The following FARS2 variants were observed in gnomAD, a reference collection of about 807,000 sequenced individuals.
The protein encoded by FARS2 is phenylalanine--tRNA ligase, mitochondrial.
Under a neutral mutation model 46.4 loss-of-function variants are expected in FARS2, and 40 were observed. The observed-to-expected ratio is 0.86, with a 90% CI of 0.67 to 1.12. The LOEUF (loss-of-function observed/expected upper bound fraction) is 1.12. Among genes scored for constraint, FARS2 ranks in the 50% most tolerant of loss-of-function variants. The pLI is 0.00. For missense variants in FARS2, 513 were observed against 567.9 expected, an observed-to-expected ratio of 0.90 and a Z score of 0.98; for synonymous variants, 234 against 214.9, an observed-to-expected ratio of 1.09 and a Z score of -0.78.
intron 6 of FARS2, among the ~76,000 whole-genome samples, chr6:5,618,791 C>CA (rs1006539153): frequency 1.1e-4 from 17 of 152,112 alleles, no homozygotes; most frequent in African/African-American, 4.1e-4. Context: ...CTTAATGTAA[C>CA]AAAAAATAGA....
chr6:5,748,764 C>G (rs1054152961), intron 6 of FARS2, among the ~76,000 whole-genome samples: 1 of 152,216 alleles, frequency 6.6e-6, no homozygotes, highest in Non-Finnish European at 1.5e-5. Context: ...ACTCATTCAA[C>G]CAATACAAAT....
intron 1 of FARS2, among the ~76,000 whole-genome samples, chr6:5,323,449 T>TA (rs1770126932): frequency 6.6e-6 from 1 of 152,192 alleles, no homozygotes; most frequent in Admixed American, 6.5e-5. Context: ...GTTTTTGTAT[T>TA]ATGACTCGAG....
At chr6:5,468,595 T>G (rs1464181814) in intron 4 of FARS2, among the ~76,000 whole-genome samples, 1 of 152,242 alleles carries the variant, frequency 6.6e-6, no homozygotes, top group African/African-American at 2.4e-5. Context: ...GGCCATTTCA[T>G]TCATAAAAGG....
intron 2 of FARS2, among the ~76,000 whole-genome samples, chr6:5,369,499 T>TCA (rs1758904564): frequency 3.9e-5 from 6 of 152,212 alleles, no homozygotes; most frequent in Non-Finnish European, 5.9e-5. Flanking sequence ...CAAATTCACC[T>TCA]TTAATCCAGG....
At chr6:5,281,983 A>G (rs1044549403) in intron 1 of FARS2, among the ~76,000 whole-genome samples, 17 of 152,232 alleles carry the variant, frequency 1.1e-4, no homozygotes, top group Non-Finnish European at 1.8e-4. Flanking sequence ...TATGTGCTTG[A>G]TACTCCAAAC....
intron 6 of FARS2, among the ~76,000 whole-genome samples, chr6:5,690,143 T>C (rs1186942596): frequency 3.9e-5 from 6 of 152,276 alleles, no homozygotes; most frequent in South Asian, 2.1e-4. Context: ...GGTCTTGACT[T>C]TTTATCCAAT....
chr6:5,685,989 A>G (rs929751729), intron 6 of FARS2, among the ~76,000 whole-genome samples: 1 of 152,214 alleles, frequency 6.6e-6, no homozygotes, highest in African/African-American at 2.4e-5. Flanking sequence ...CTGCTGCCTC[A>G]GGATTCCCAC....
chr6:5,768,540 A>G (rs1003529949), intron 6 of FARS2, among the ~76,000 whole-genome samples: 4 of 152,252 alleles, frequency 2.6e-5, no homozygotes, highest in African/African-American at 9.6e-5. Flanking sequence ...TAATTGCCAC[A>G]ATGATACTTT....
chr6:5,699,134 C>T (rs1406227672), intron 6 of FARS2, among the ~76,000 whole-genome samples: 1 of 152,270 alleles, frequency 6.6e-6, no homozygotes, highest in East Asian at 1.9e-4. Flanking sequence ...AGCAACAGCC[C>T]CCTGTAGAGT....
intron 6 of FARS2, among the ~76,000 whole-genome samples, chr6:5,756,668 G>A (rs1306953866): frequency 6.6e-6 from 1 of 152,174 alleles, no homozygotes; most frequent in Non-Finnish European, 1.5e-5. Context: ...TGAGATTTAA[G>A]TGGGGACAAA....
chr6:5,473,446 G>A (rs1010914062), intron 4 of FARS2, among the ~76,000 whole-genome samples: 1 of 150,648 alleles, frequency 6.6e-6, no homozygotes, highest in South Asian at 2.1e-4. Context: ...AGAATGGTGT[G>A]AACCCGGGAG....
chr6:5,470,116 G>C (rs1765729768), intron 4 of FARS2, among the ~76,000 whole-genome samples: 1 of 152,124 alleles, frequency 6.6e-6, no homozygotes, highest in Non-Finnish European at 1.5e-5. Flanking sequence ...CATTCCAAAA[G>C]GAGTTAATTT....
In FARS2 at chr6:5,416,047, A is replaced by G. The variant is rs1376323713; in HGVS notation, c.772+11346A>G. Among the ~76,000 whole-genome samples, 3 of 152,146 alleles carry G rather than the reference A, an allele frequency of 2.0e-5. No individual in the cohort carries two copies. In the East Asian group the frequency reaches 5.8e-4, roughly 29 times the overall value. ...TGATTTTTGAAACTGTGAATTTTGGATATGATTCTTTTGTGGGATGTGGGA... is the reference window on the plus strand; with the variant it reads ...TGATTTTTGAAACTGTGAATTTTGGGTATGATTCTTTTGTGGGATGTGGGA... On this transcript the variant is annotated intron_variant, in intron 3 of 6. Coordinates refer to ENST00000274680, the MANE Select transcript of FARS2 (RefSeq NM_006567.5).
chr6:5,723,107 G>T (rs1569463), intron 6 of FARS2, among the ~76,000 whole-genome samples: 144,737 of 151,882 alleles, frequency 0.95, 69,002 homozygotes, highest in East Asian at 1. Context: ...GGGTGAGTGG[G>T]GTTTTGTGGG....
At chr6:5,265,367 G>T (rs768350460) in intron 1 of FARS2, among the ~76,000 whole-genome samples, 1 of 152,186 alleles carries the variant, frequency 6.6e-6, no homozygotes, top group Non-Finnish European at 1.5e-5. Flanking sequence ...AGGGACCACT[G>T]AAGTGTTTAG....
At chr6:5,711,370 C>T (rs1759149872) in intron 6 of FARS2, among the ~76,000 whole-genome samples, 1 of 152,164 alleles carries the variant, frequency 6.6e-6, no homozygotes, top group Admixed American at 6.5e-5. Context: ...TACTCTTCCC[C>T]CAACAAGGTG....
At chr6:5,673,603 G>A (rs575879708) in intron 6 of FARS2, among the ~76,000 whole-genome samples, 1 of 152,296 alleles carries the variant, frequency 6.6e-6, no homozygotes, top group South Asian at 2.1e-4. Context: ...TGCCAGCTCT[G>A]TGGAAGTGAG....
chr6:5,292,466 G>C (rs181055994), intron 1 of FARS2, among the ~76,000 whole-genome samples: 6 of 152,292 alleles, frequency 3.9e-5, no homozygotes, highest in Non-Finnish European at 8.8e-5. Flanking sequence ...AAATGCCAGA[G>C]TGATATGGGA....
intron 4 of FARS2, among the ~76,000 whole-genome samples, chr6:5,444,441 T>C (rs1198257450): frequency 8.5e-6 from 1 of 117,936 alleles, no homozygotes; most frequent in Non-Finnish European, 1.6e-5. Context: ...CACTCCAGCC[T>C]GGGTGACAAG....
Sources: gnomAD v4.1 joint callset for allele counts (sites outside exome capture counted in the v4.1 genomes callset) on GRCh38, gnomAD v4.1.1 for gene constraint, MANE v1.5 for transcripts, NCBI Gene and HGNC (gene_info 2026-07-23, HGNC 2026-07-21) for gene names.